CNTN5: variants seen among roughly 807,000 people sequenced by gnomAD.
CNTN5 encodes the protein contactin-5.
CNTN5 carries 77 observed loss-of-function variants against 129.1 expected under a neutral mutation model. The observed-to-expected ratio is 0.60, with a 90% CI of 0.50 to 0.72. CNTN5 has a LOEUF of 0.72. Ranked by LOEUF, CNTN5 falls within the 30% of genes least tolerant of loss-of-function variation. The pLI, the probability that CNTN5 is intolerant of heterozygous loss-of-function variation, is 0.00. For missense variants in CNTN5, 1,478 were observed against 1,328.8 expected (o/e 1.11, Z -1.75); for synonymous variants, 509 against 465.6 (o/e 1.09, Z -1.20).
At chr11:99,136,949 C>T (rs1859261846) in intron 1 of CNTN5, among the ~76,000 whole-genome samples, 2 of 152,064 alleles carry the variant, frequency 1.3e-5, no homozygotes, top group South Asian at 4.1e-4. Flanking sequence ...TAATGAGATA[C>T]ATTACTAAGA....
intron 1 of CNTN5, among the ~76,000 whole-genome samples, chr11:99,144,274 A>G (rs527999753): frequency 1.8e-4 from 27 of 152,326 alleles, no homozygotes; most frequent in African/African-American, 5.8e-4. Context: ...AGGGAAAAAT[A>G]GATATTTGGA....
intron 3 of CNTN5, among the ~76,000 whole-genome samples, chr11:99,621,658 T>A (rs750263626): frequency 7.9e-4 from 120 of 152,336 alleles, no homozygotes; most frequent in Non-Finnish European, 1.5e-3. Context: ...ATATTTTTCA[T>A]TGGTAATAGA....
intron 3 of CNTN5, among the ~76,000 whole-genome samples, chr11:99,630,249 T>TATATATATATATATGTGTGTATATAC (rs1565367144): frequency 8.4e-4 from 1 of 1,192 alleles, no homozygotes; most frequent in African/African-American, 8.7e-4. Flanking sequence ...TGTATATACA[T>TATATATATATATATGTGTGTATATAC]ATATATATAT....
At chr11:100,309,538 G>A (rs551321044) in intron 21 of CNTN5, 1 of 974,860 alleles carries the variant, frequency 1.0e-6, no homozygotes, top group East Asian at 1.1e-4. Context: ...TATTTGGAAT[G>A]ATAATTTAGT....
intron 6 of CNTN5, among the ~76,000 whole-genome samples, chr11:99,908,758 C>G (rs1949577472): frequency 6.6e-6 from 1 of 152,034 alleles, no homozygotes; most frequent in Non-Finnish European, 1.5e-5. Context: ...ATATTTTTAT[C>G]ACATTCTGTG....
intron 7 of CNTN5, among the ~76,000 whole-genome samples, chr11:99,937,054 A>G (rs1950331579): frequency 6.6e-6 from 1 of 152,222 alleles, no homozygotes; most frequent in African/African-American, 2.4e-5. Flanking sequence ...TAAAAACACT[A>G]AAGGAAAAAG....
At chr11:100,013,054 G>A (rs1181745253) in intron 9 of CNTN5, among the ~76,000 whole-genome samples, 1 of 152,106 alleles carries the variant, frequency 6.6e-6, no homozygotes, top group Non-Finnish European at 1.5e-5. Context: ...GTACATAACT[G>A]AAAGCCATTA....
chr11:100,237,372 C>A (rs1272862310), intron 16 of CNTN5, among the ~76,000 whole-genome samples: 2 of 152,074 alleles, frequency 1.3e-5, no homozygotes, highest in Non-Finnish European at 2.9e-5. Flanking sequence ...ATACTAAATT[C>A]TTAATTATTT....
rs75787425 is a variant in CNTN5 at position 99,459,500 on chromosome 11, G to A, written c.-70-96645G>A. Among the ~76,000 whole-genome samples, 989 of 152,090 alleles carry A rather than the reference G, an allele frequency of 6.5e-3. 9 individuals carry two copies. Among genetic ancestry groups the A allele is most frequent in the African/African-American group, 0.022 (934 of 41,528 alleles). On this transcript the variant is annotated intron_variant, in intron 2 of 24. Transcript: ENST00000524871. Reference sequence around the variant, plus strand: ...TATGCCATTACAATGGAAGAGTCTGGAGGAAGTGAGTATATCTTTAACTGA... The same window carrying A: ...TATGCCATTACAATGGAAGAGTCTGAAGGAAGTGAGTATATCTTTAACTGA...
At chr11:100,150,128 T>C (rs1947006785) in intron 13 of CNTN5, among the ~76,000 whole-genome samples, 1 of 152,158 alleles carries the variant, frequency 6.6e-6, no homozygotes, top group Admixed American at 6.6e-5. Flanking sequence ...ATTGAGGATG[T>C]CTTCCATTTA....
In CNTN5 at chr11:99,686,294, T is replaced by G. The variant is rs763521779; in HGVS notation, c.55+130025T>G. 5.3e-5 allele frequency among the ~76,000 whole-genome samples: 8 copies of G among 152,114 alleles called. 1 individual carries two copies. Among genetic ancestry groups the G allele is most frequent in the Non-Finnish European group, 1.0e-4 (7 of 68,004 alleles). ...TTTTATTCTGTTGACAGAAATTTCT[T>G]TAGGATTTTTAATGGAACTGCTGTT... On this transcript the variant is annotated intron_variant, in intron 3 of 24. Coordinates refer to ENST00000524871, the MANE Select transcript of CNTN5 (RefSeq NM_014361.4).
intron 1 of CNTN5, among the ~76,000 whole-genome samples, chr11:99,191,568 C>T (rs1473511019): frequency 6.6e-6 from 1 of 151,638 alleles, no homozygotes; most frequent in African/African-American, 2.4e-5. Context: ...TATTTTAGGC[C>T]ATGCAATAAA....
chr11:99,096,072 T>C (rs1866458160), intron 1 of CNTN5, among the ~76,000 whole-genome samples: 4 of 151,962 alleles, frequency 2.6e-5, no homozygotes, highest in Admixed American at 2.0e-4. Context: ...TGAATTAATA[T>C]CTTGCAATAA....
chr11:99,580,265 C>A (rs1472011909), intron 3 of CNTN5, among the ~76,000 whole-genome samples: 1 of 152,140 alleles, frequency 6.6e-6, no homozygotes, highest in Non-Finnish European at 1.5e-5. Flanking sequence ...CATCAATGTT[C>A]ATCAAAGATA....
rs78650638 is a variant in CNTN5 at position 99,116,436 on chromosome 11, G to A, written c.-210+95166G>A. On this transcript the variant is annotated intron_variant, in intron 1 of 24. Transcript: ENST00000524871. Reference sequence around the variant, plus strand: ...CTGCACTTAAATTATTACTTAAATCGTCTTTTTTATGTGCTTCGTGGTATA... The same window carrying A: ...CTGCACTTAAATTATTACTTAAATCATCTTTTTTATGTGCTTCGTGGTATA... 3.7e-3 allele frequency among the ~76,000 whole-genome samples: 567 copies of A among 152,084 alleles called. 4 individuals are homozygous for A. Among genetic ancestry groups the A allele is most frequent in the South Asian group, 0.025 (121 of 4,818 alleles).
rs1002172627 is a variant in CNTN5 at position 100,156,622 on chromosome 11, T to C, written c.1581-34504T>C. ...CTCTGGTAGAATTTGGCTGTGAATC[T>C]GTCTGGTCCTGGGCTTTTTTTGGTT... On this transcript the variant is annotated intron_variant, in intron 13 of 24. Transcript: ENST00000524871. 8.5e-5 allele frequency among the ~76,000 whole-genome samples: 13 copies of C among 152,168 alleles called. 1 individual carries two copies. The highest frequency in any genetic ancestry group is 6.6e-4 in the Admixed American group (10 of 15,264).
intron 8 of CNTN5, among the ~76,000 whole-genome samples, chr11:99,959,237 T>C (rs940894810): frequency 5.3e-5 from 8 of 152,146 alleles, no homozygotes; most frequent in Admixed American, 2.0e-4. Flanking sequence ...TCAAGTGGGC[T>C]CTCAACATTG....
chr11:99,620,547 A>T (rs1411732495), intron 3 of CNTN5, among the ~76,000 whole-genome samples: 1 of 149,770 alleles, frequency 6.7e-6, no homozygotes, highest in Non-Finnish European at 1.5e-5. Context: ...ACTACATGAA[A>T]AGTAAAATGA....
At chr11:100,297,892 T>A (rs1162670023) in intron 19 of CNTN5, among the ~76,000 whole-genome samples, 197 bp downstream of exon 19, 1 of 151,546 alleles carries the variant, frequency 6.6e-6, no homozygotes, top group Admixed American at 6.6e-5. Flanking sequence ...ATCTTATCAG[T>A]TGGAATGATT....
Sources: gnomAD v4.1 joint callset for allele counts (sites outside exome capture counted in the v4.1 genomes callset) on GRCh38, gnomAD v4.1.1 for gene constraint, MANE v1.5 for transcripts, NCBI Gene and HGNC (gene_info 2026-07-23, HGNC 2026-07-21) for gene names.